HDGFL3: variants seen among roughly 807,000 people sequenced by gnomAD.
The protein encoded by HDGFL3 is hepatoma-derived growth factor-related protein 3.
Under a neutral mutation model 27.6 loss-of-function variants are expected in HDGFL3, and 6 were observed. The ratio of observed to expected loss-of-function variants is 0.22; its 90% CI spans 0.12 to 0.43. The LOEUF is 0.43. HDGFL3 is among the 20% of genes least tolerant of loss of function. The pLI, the probability that HDGFL3 is intolerant of heterozygous loss-of-function variation, is 1.00. For synonymous variants in HDGFL3, 88 were observed against 88.9 expected, an observed-to-expected ratio of 0.99 and a Z score of 0.05; for missense variants, 207 against 250.1, an observed-to-expected ratio of 0.83 and a Z score of 1.16.
intron 5 of HDGFL3, among the ~76,000 whole-genome samples, chr15:83,147,657 G>A (rs1263400590): frequency 1.3e-5 from 2 of 152,058 alleles, no homozygotes; most frequent in Non-Finnish European, 2.9e-5. Flanking sequence ...ATGAATATAC[G>A]ACAGATGCAC....
At chr15:83,117,190 C>T (rs951645343) in intron 3 of HDGFL3, among the ~76,000 whole-genome samples, 3 of 152,068 alleles carry the variant, frequency 2.0e-5, no homozygotes, top group African/African-American at 4.8e-5. Context: ...GGGGGAATTC[C>T]GGAGAGAAGG....
chr15:83,123,085 T>C (rs567424809), downstream of HDGFL3, among the ~76,000 whole-genome samples: 2 of 152,332 alleles, frequency 1.3e-5, no homozygotes, highest in African/African-American at 4.8e-5. Context: ...TCTGCTTCTG[T>C]TGGCAAGGCC....
At chr15:83,180,422 G>T (rs1388684245) in intron 1 of HDGFL3, among the ~76,000 whole-genome samples, 4 of 152,164 alleles carry the variant, frequency 2.6e-5, no homozygotes, top group African/African-American at 9.6e-5. Context: ...CTATTAAAAA[G>T]TTTATGAGGT....
At chr15:83,124,513 A>G (rs192604954), downstream of HDGFL3, among the ~76,000 whole-genome samples, 96 of 152,320 alleles carry the variant, frequency 6.3e-4, 1 homozygote, top group African/African-American at 2.3e-3. Context: ...AGACTTGAGG[A>G]AGGAAATGAT....
At chr15:83,167,489 C>T (rs1341005920) in intron 1 of HDGFL3, among the ~76,000 whole-genome samples, 6 of 149,878 alleles carry the variant, frequency 4.0e-5, no homozygotes, top group African/African-American at 1.5e-4. Flanking sequence ...GCCCAGGAGG[C>T]GGAGATTGCA....
chr15:83,205,608 C>T (rs1338400373), intron 1 of HDGFL3, among the ~76,000 whole-genome samples: 1 of 152,142 alleles, frequency 6.6e-6, no homozygotes, highest in African/African-American at 2.4e-5. Context: ...TTTTGACTAT[C>T]AGAAGATATT....
chr15:83,185,562 C>G (rs899811205), intron 1 of HDGFL3, among the ~76,000 whole-genome samples: 1 of 152,052 alleles, frequency 6.6e-6, no homozygotes, highest in Non-Finnish European at 1.5e-5. Flanking sequence ...AGAGGCTACC[C>G]GGAGGCGAGA....
At chr15:83,194,776 AC>A (rs1273591680) in intron 1 of HDGFL3, among the ~76,000 whole-genome samples, 4 of 152,050 alleles carry the variant, frequency 2.6e-5, no homozygotes, top group Non-Finnish European at 4.4e-5. Flanking sequence ...GCTCCCTTCC[AC>A]TTACTTGCTC....
At chr15:83,149,448 A>G (rs1280042295) in intron 5 of HDGFL3, among the ~76,000 whole-genome samples, 1 of 152,248 alleles carries the variant, frequency 6.6e-6, no homozygotes, top group Non-Finnish European at 1.5e-5. Context: ...GTGCCAAGTC[A>G]GACTGAAGGA....
chr15:83,194,083 A>C (rs1165011719), intron 1 of HDGFL3, among the ~76,000 whole-genome samples: 3 of 152,206 alleles, frequency 2.0e-5, no homozygotes, highest in Admixed American at 6.5e-5. Flanking sequence ...ACTCCAAAGA[A>C]CAGAATGTAG....
At chr15:83,167,052 T>C (rs1281966320) in intron 1 of HDGFL3, among the ~76,000 whole-genome samples, 2 of 152,154 alleles carry the variant, frequency 1.3e-5, no homozygotes. Flanking sequence ...ATGGTCTAAA[T>C]GACCCACTTA....
chr15:83,180,172 C>CCA (rs1043485837), intron 1 of HDGFL3, among the ~76,000 whole-genome samples: 5 of 151,850 alleles, frequency 3.3e-5, no homozygotes, highest in African/African-American at 1.2e-4. Flanking sequence ...CTGACGATGC[C>CCA]CACATTTACA....
intron 3 of HDGFL3, chr15:83,122,740 T>C (rs771236639): frequency 5.6e-6 from 9 of 1,610,686 alleles, no homozygotes; most frequent in Non-Finnish European, 5.9e-6. Context: ...TTCTTTCTCT[T>C]TCTCTCTTTT....
Position 83,133,890 on chromosome 15 carries a change from G to T in HDGFL3, c.*5380C>A, listed in dbSNP as rs912268294. 1 of 152,246 alleles carries T rather than the reference G, an allele frequency of 6.6e-6. No individual in the cohort carries two copies. The highest frequency in any genetic ancestry group is 1.5e-5 in the Non-Finnish European group (1 of 68,078). 9.4% of individuals were successfully genotyped at this position (152,246 alleles called of 1,614,324 possible). On this transcript the variant is annotated 3_prime_UTR_variant, in exon 6 of 6. Coordinates refer to ENST00000299633, the MANE Select transcript of HDGFL3 (RefSeq NM_016073.4). ...CTATGGTCAGGTGCTCACTCAGCTGGAAGTGTGGCCACCATAAGTACATCC... is the reference window on the plus strand; with the variant it reads ...CTATGGTCAGGTGCTCACTCAGCTGTAAGTGTGGCCACCATAAGTACATCC...
chr15:83,150,404 A>G (rs1001882507), intron 5 of HDGFL3, among the ~76,000 whole-genome samples: 1 of 152,142 alleles, frequency 6.6e-6, no homozygotes, highest in Non-Finnish European at 1.5e-5. Context: ...CAGAGGATAG[A>G]GTAGGGCTGA....
chr15:83,181,372 C>G (rs757159403), intron 1 of HDGFL3, among the ~76,000 whole-genome samples: 2 of 152,112 alleles, frequency 1.3e-5, no homozygotes, highest in Non-Finnish European at 2.9e-5. Flanking sequence ...TGGGGAGAGG[C>G]GTAGTCTCTG....
intron 5 of HDGFL3, among the ~76,000 whole-genome samples, chr15:83,139,617 A>T (rs2036727236): frequency 6.6e-6 from 1 of 152,326 alleles, no homozygotes; most frequent in Non-Finnish European, 1.5e-5. Flanking sequence ...AAATTGATAT[A>T]ATCTATCTTT....
intron 1 of HDGFL3, among the ~76,000 whole-genome samples, chr15:83,180,373 G>A (rs577055460): frequency 6.6e-6 from 1 of 152,026 alleles, no homozygotes; most frequent in Non-Finnish European, 1.5e-5. Context: ...GAATTTTTTG[G>A]GCTAGCTGAC....
chr15:83,172,474 G>A (rs2037258195), intron 1 of HDGFL3, among the ~76,000 whole-genome samples: 1 of 152,090 alleles, frequency 6.6e-6, no homozygotes, highest in African/African-American at 2.4e-5. Flanking sequence ...ATAACAAACA[G>A]TAGATTAACA....
Sources: allele counts gnomAD v4.1 joint callset (sites outside exome capture counted in the v4.1 genomes callset), GRCh38; gene constraint gnomAD v4.1.1; transcripts MANE v1.5; gene names NCBI Gene and HGNC (gene_info 2026-07-23, HGNC 2026-07-21).